The following LRIF1 variants were observed in gnomAD, a reference collection of about 807,000 sequenced individuals.
The protein encoded by LRIF1 is ligand-dependent nuclear receptor-interacting factor 1.
LRIF1 carries 32 observed loss-of-function variants against 52.7 expected under a neutral mutation model. That is an observed-to-expected ratio of 0.61 (90% confidence interval 0.46 to 0.82). The LOEUF (loss-of-function observed/expected upper bound fraction) is 0.82. Ranked by LOEUF, LRIF1 falls within the 40% of genes least tolerant of loss-of-function variation. LRIF1 has a pLI of 0.00. For synonymous variants in LRIF1, 323 were observed against 317.4 expected, an observed-to-expected ratio of 1.02 and a Z score of -0.19; for missense variants, 887 against 892.0, an observed-to-expected ratio of 0.99 and a Z score of 0.07.
chr1:110,916,858 A>C, the LRIF1 span, among the ~76,000 whole-genome samples: 89 of 152,352 alleles, frequency 5.8e-4, no homozygotes, highest in Non-Finnish European at 1.1e-3. Context: ...CTGTCAACTC[A>C]TAAGGAAAAA....
At chr1:110,950,870 ACT>A (rs1167928067) in intron 2 of LRIF1, among the ~76,000 whole-genome samples, 1 of 151,412 alleles carries the variant, frequency 6.6e-6, no homozygotes, top group Non-Finnish European at 1.5e-5. Flanking sequence ...CCCAAAACCA[ACT>A]CTTTTACATG....
At chr1:110,891,266 A>G in the LRIF1 span, 2 of 678,316 alleles carry the variant, frequency 2.9e-6, no homozygotes, top group Middle Eastern at 4.0e-4. Flanking sequence ...GTTTGGGGAA[A>G]CTTTCCAGAG....
At chr1:110,901,525 G>A in the LRIF1 span, among the ~76,000 whole-genome samples, 4 of 142,318 alleles carry the variant, frequency 2.8e-5, no homozygotes, top group Non-Finnish European at 6.0e-5. Flanking sequence ...TGGCCAGGCT[G>A]GAGTGCAGAG....
the LRIF1 span, among the ~76,000 whole-genome samples, chr1:110,916,192 A>T: frequency 6.6e-6 from 1 of 152,300 alleles, no homozygotes; most frequent in South Asian, 2.1e-4. Context: ...GAGCCTGGTA[A>T]AATGATAAAT....
At chr1:110,942,566 G>A (rs902736655), downstream of LRIF1, among the ~76,000 whole-genome samples, 3 of 152,054 alleles carry the variant, frequency 2.0e-5, no homozygotes, top group Non-Finnish European at 4.4e-5. Context: ...GAGATATAAT[G>A]CAAGCTAATC....
chr1:110,949,086 C>T (rs77945567), intron 3 of LRIF1, among the ~76,000 whole-genome samples: 2,448 of 150,670 alleles, frequency 0.016, 26 homozygotes, highest in Non-Finnish European at 0.024. Context: ...TTTACCTGTG[C>T]GTGTGTGTGT....
At position 110,951,703 on chromosome 1, in the gene LRIF1, T is replaced by C; in HGVS notation, c.1181A>G (p.Asp394Gly). 4.3e-6 allele frequency: 7 copies of C among 1,614,030 alleles called. No individual in the cohort carries two copies. The highest frequency in any genetic ancestry group is 5.9e-6 in the Non-Finnish European group (7 of 1,180,024). Residue 394 changes from aspartate (D) to glycine (G), a missense_variant, in exon 2 of 4, where the codon GAC (aspartate) becomes GGC (glycine). By Grantham distance (94) the Asp-to-Gly change is moderately conservative (BLOSUM62 -1). Coordinates refer to ENST00000369763, the MANE Select transcript of LRIF1 (RefSeq NM_018372.4). ...SVSPDTPVRK[D>G]TLQTVSSSPV... Reference sequence around the variant, plus strand: ...ACTTGAACTCACTGTCTGTAACGTGTCTTTTCTTACTGGAGTATCAGGAGA... The same window carrying C: ...ACTTGAACTCACTGTCTGTAACGTGCCTTTTCTTACTGGAGTATCAGGAGA...
the LRIF1 span, among the ~76,000 whole-genome samples, chr1:110,882,641 T>C: frequency 6.6e-6 from 1 of 152,044 alleles, no homozygotes; most frequent in African/African-American, 2.4e-5. Flanking sequence ...TTACAATCTA[T>C]AGATAAATTT....
downstream of LRIF1, among the ~76,000 whole-genome samples, chr1:110,945,404 G>GTTCCTCT (rs1411711918): frequency 6.8e-6 from 1 of 146,582 alleles, no homozygotes. Flanking sequence ...TCCTTCTTCC[G>GTTCCTCT]TTCCTCTTTC....
the LRIF1 span, chr1:110,897,647 C>A: frequency 2.1e-6 from 1 of 483,918 alleles, no homozygotes; most frequent in Non-Finnish European, 3.7e-6. Flanking sequence ...TATTTCCCAC[C>A]TTATGCCTGT....
At chr1:110,955,245 C>T (rs1570945294) in intron 1 of LRIF1, among the ~76,000 whole-genome samples, 1 of 152,284 alleles carries the variant, frequency 6.6e-6, no homozygotes, top group Non-Finnish European at 1.5e-5. Context: ...TCCTTATATT[C>T]AGTGATCACA....
chr1:110,955,608 T>C (rs1658663802), intron 1 of LRIF1, among the ~76,000 whole-genome samples: 1 of 152,200 alleles, frequency 6.6e-6, no homozygotes, highest in Non-Finnish European at 1.5e-5. Context: ...ATTAAAAATG[T>C]ACACTGAAAA....
chr1:110,930,458 A>T, the LRIF1 span, among the ~76,000 whole-genome samples: 1 of 152,156 alleles, frequency 6.6e-6, no homozygotes, highest in South Asian at 2.1e-4. Flanking sequence ...GCAGATGCCT[A>T]CCTTCTCACT....
chr1:110,934,486 G>C, the LRIF1 span, among the ~76,000 whole-genome samples: 1 of 152,156 alleles, frequency 6.6e-6, no homozygotes, highest in South Asian at 2.1e-4. Flanking sequence ...TGATTCTCAG[G>C]CTGGGCAAGA....
At chr1:110,923,157 G>A in the LRIF1 span, among the ~76,000 whole-genome samples, 10 of 152,004 alleles carry the variant, frequency 6.6e-5, no homozygotes, top group East Asian at 3.9e-4. Context: ...AAAATTAGCC[G>A]GGTGTGGTGG....
the LRIF1 span, among the ~76,000 whole-genome samples, chr1:110,927,971 A>C: frequency 6.6e-6 from 1 of 152,214 alleles, no homozygotes; most frequent in Admixed American, 6.5e-5. Context: ...TCATTCAAAA[A>C]GTGCATGTGT....
the LRIF1 span, among the ~76,000 whole-genome samples, chr1:110,898,938 C>T: frequency 6.6e-6 from 1 of 152,206 alleles, no homozygotes; most frequent in East Asian, 1.9e-4. Flanking sequence ...TCATTGACCC[C>T]GTTTCTCTCC....
the LRIF1 span, among the ~76,000 whole-genome samples, chr1:110,911,071 C>T: frequency 3.3e-5 from 5 of 151,896 alleles, no homozygotes; most frequent in Admixed American, 3.3e-4. Flanking sequence ...AGAGTTGGTC[C>T]ACCAAAAGAA....
At chr1:110,906,793 A>G in the LRIF1 span, among the ~76,000 whole-genome samples, 11 of 152,310 alleles carry the variant, frequency 7.2e-5, no homozygotes, top group Admixed American at 3.3e-4. Context: ...AAAAATCCCA[A>G]CAAACTTTTT....
Sources: allele counts gnomAD v4.1 joint callset (sites outside exome capture counted in the v4.1 genomes callset), GRCh38; gene constraint gnomAD v4.1.1; transcripts MANE v1.5; gene names NCBI Gene and HGNC (gene_info 2026-07-23, HGNC 2026-07-21).